WHRN: variants seen among roughly 807,000 people sequenced by gnomAD.
The protein encoded by WHRN is whirlin, also known as CASK-interacting protein CIP98.
In WHRN, 41 loss-of-function variants were observed where a neutral mutation model predicts 68.3. The observed-to-expected ratio is 0.60, with a 90% CI of 0.47 to 0.78. The LOEUF is 0.78. WHRN is among the 30% of genes least tolerant of loss of function. WHRN has a pLI of 0.00. For synonymous variants in WHRN, 560 were observed against 561.3 expected, an observed-to-expected ratio of 1.00 and a Z score of 0.03; for missense variants, 1,243 against 1,244.7, an observed-to-expected ratio of 1.00 and a Z score of 0.02.
chr9:114,424,185 G>T lies in WHRN; in HGVS notation c.1416+149C>A. On this transcript the variant is annotated intron_variant, in intron 6 of 11. Coordinates refer to ENST00000362057, the MANE Select transcript of WHRN (RefSeq NM_015404.4). ...CCCCCAGGAGTCTGTGAGCATCCTG[G>T]GGGCAGGAGGCTGCCTCAGTCCCAG... The T allele has an allele frequency of 3.3e-6, 3 of 897,170 alleles. No individual in the cohort carries two copies. In the South Asian group the frequency reaches 4.3e-5, roughly 13 times the overall value. 55.6% of individuals were successfully genotyped at this position (897,170 alleles called of 1,614,324 possible).
intron 7 of WHRN, among the ~76,000 whole-genome samples, chr9:114,421,346 T>C (rs968135572): frequency 2.6e-5 from 4 of 152,208 alleles, no homozygotes; most frequent in Admixed American, 2.0e-4. Flanking sequence ...TCCTGACCCC[T>C]GCCCCAGAGC....
At chr9:114,472,489 G>A (rs1203911902) in intron 2 of WHRN, among the ~76,000 whole-genome samples, 1 of 152,110 alleles carries the variant, frequency 6.6e-6, no homozygotes, top group Admixed American at 6.5e-5. Flanking sequence ...CCTTCTTAGT[G>A]AGGCCGTCCC....
chr9:114,477,744 T>C (rs1316079129), intron 2 of WHRN, among the ~76,000 whole-genome samples: 3 of 152,178 alleles, frequency 2.0e-5, no homozygotes, highest in Non-Finnish European at 4.4e-5. Flanking sequence ...ACTGCCCCTG[T>C]CCTTCCAGTA....
At position 114,504,863 on chromosome 9, in the gene WHRN, GC is replaced by G; in HGVS notation, c.-63del. Reference sequence around the variant, plus strand: ...GGGTGTGGGCGGTGCCGCTGTCCTCGCGGGTACTGGCGCGACAGCTGGATCC... The same window carrying G: ...GGGTGTGGGCGGTGCCGCTGTCCTCGGGGTACTGGCGCGACAGCTGGATCC... On this transcript the variant is annotated 5_prime_UTR_variant, in exon 1 of 12. Transcript: ENST00000362057. 1 of 1,338,070 alleles carries G rather than the reference GC, an allele frequency of 7.5e-7. No individual in the cohort carries two copies. Among genetic ancestry groups the G allele is most frequent in the Non-Finnish European group, 9.5e-7 (1 of 1,053,950 alleles). 82.9% of individuals were successfully genotyped at this position (1,338,070 alleles called of 1,614,324 possible).
intron 3 of WHRN, among the ~76,000 whole-genome samples, chr9:114,430,648 C>A (rs1837336099): frequency 6.6e-6 from 1 of 152,206 alleles, no homozygotes; most frequent in Non-Finnish European, 1.5e-5. Context: ...CCCAGGTTGG[C>A]TGTGCGAGTC....
At chr9:114,436,968 G>A (rs912016061) in intron 3 of WHRN, among the ~76,000 whole-genome samples, 3 of 151,690 alleles carry the variant, frequency 2.0e-5, no homozygotes, top group South Asian at 2.1e-4. Flanking sequence ...TAAAATGCAC[G>A]AATGGCTATG....
intron 1 of WHRN, among the ~76,000 whole-genome samples, chr9:114,490,634 T>C (rs1319011428): frequency 6.6e-6 from 1 of 152,246 alleles, no homozygotes; most frequent in African/African-American, 2.4e-5. Context: ...TTTGCTTCCA[T>C]GCTGCGAATG....
At chr9:114,503,025 C>G (rs1844065177) in intron 1 of WHRN, 1 of 676,830 alleles carries the variant, frequency 1.5e-6, no homozygotes, top group Admixed American at 6.3e-5. Flanking sequence ...CAAGGGCTTC[C>G]TCCAAAGGGG....
At chr9:114,431,416 C>T (rs541397691) in intron 3 of WHRN, among the ~76,000 whole-genome samples, 4 of 152,298 alleles carry the variant, frequency 2.6e-5, no homozygotes, top group Non-Finnish European at 4.4e-5. Context: ...GGTCACTGGT[C>T]GTACTGGAAG....
Position 114,406,401 on chromosome 9 carries a change from G to C in WHRN, c.2190C>G (p.Asp730Glu). 2 of 1,614,204 alleles carry C rather than the reference G, an allele frequency of 1.2e-6. No homozygotes were observed. The highest frequency in any genetic ancestry group is 1.7e-6 in the Non-Finnish European group (2 of 1,180,052). Residue 730 changes from aspartate (D) to glutamate (E), a missense_variant, in exon 9 of 12, where the codon GAC (aspartate) becomes GAG (glutamate). Asp to Glu is a conservative substitution (Grantham distance 45, BLOSUM62 2). Coordinates refer to ENST00000362057, the MANE Select transcript of WHRN (RefSeq NM_015404.4). ...TCACTTCATTGACGTCTGGCTCGCTGTCGGGGCGGTGGACCTCCACCATGA... is the reference window on the plus strand; with the variant it reads ...TCACTTCATTGACGTCTGGCTCGCTCTCGGGGCGGTGGACCTCCACCATGA... ...HFVMVEVHRP[D>E]SEPDVNEVRA... is the part of the protein sequence containing the mutation.
intron 2 of WHRN, among the ~76,000 whole-genome samples, chr9:114,471,396 G>A (rs1472895993): frequency 1.3e-5 from 2 of 152,198 alleles, no homozygotes; most frequent in South Asian, 2.1e-4. Context: ...AAATGATGGG[G>A]CTAAGATTCA....
chr9:114,462,269 T>A (rs1461918441), intron 3 of WHRN, among the ~76,000 whole-genome samples: 1 of 152,196 alleles, frequency 6.6e-6, no homozygotes, highest in Admixed American at 6.5e-5. Context: ...CCAGGCTTCA[T>A]CTCTTTTCCT....
chr9:114,504,529 C>A lies in WHRN; in HGVS notation c.273G>T (p.Leu91=), dbSNP rs1844229514. 1 of 1,610,300 alleles carries A rather than the reference C, an allele frequency of 6.2e-7. No individual in the cohort carries two copies. The highest frequency in any genetic ancestry group is 1.3e-5 in the African/African-American group (1 of 75,060). ...GCGGGATGACCAGACGAAGCATGGG[C>A]AGCAGGCGCCGCTTGACCGGACTGT... ...LLDSPVKRRL[L]PMLRLVIPRS... Residue 91 remains leucine (L), a synonymous_variant, in exon 1 of 12, where the codon CTG becomes CTT. Coordinates refer to ENST00000362057, the MANE Select transcript of WHRN (RefSeq NM_015404.4).
rs369521178 is a variant in WHRN, at chr9:114,426,305, C to T, written c.1072G>A (p.Asp358Asn). The part of the protein sequence containing the change: ...SSRHLILTVK[D>N]VGRLPHARTT... Reference sequence around the variant, plus strand: ...CGGGCATGGGGCAGCCTCCCGACGTCCTTCACTGTCAGGATGAGGTGCCGA... The same window carrying T: ...CGGGCATGGGGCAGCCTCCCGACGTTCTTCACTGTCAGGATGAGGTGCCGA... The change falls in exon 4 of 12, where the codon GAC becomes AAC. Residue 358 changes from aspartate to asparagine, a missense_variant. By Grantham distance (23) the Asp-to-Asn change is conservative. Transcript: ENST00000362057. The T allele has an allele frequency of 9.8e-5, 158 of 1,613,756 alleles. No homozygotes were observed. Among genetic ancestry groups the T allele is most frequent in the Non-Finnish European group, 1.3e-4 (152 of 1,180,058 alleles).
intron 3 of WHRN, among the ~76,000 whole-genome samples, chr9:114,428,884 C>T (rs1837143032): frequency 6.6e-6 from 1 of 152,112 alleles, no homozygotes; most frequent in Admixed American, 6.5e-5. Context: ...ATCCTCATCA[C>T]TGTGCATTTA....
chr9:114,446,337 T>A (rs1420970511), intron 3 of WHRN, among the ~76,000 whole-genome samples: 2 of 148,046 alleles, frequency 1.4e-5, no homozygotes, highest in East Asian at 3.9e-4. Flanking sequence ...TTTCAGGGAG[T>A]GAAGGGAGGG....
chr9:114,409,913 G>A (rs1423711980), intron 7 of WHRN, among the ~76,000 whole-genome samples: 1 of 151,908 alleles, frequency 6.6e-6, no homozygotes, highest in African/African-American at 2.4e-5. Context: ...ACACATGTCA[G>A]GTCTCTCTGC....
chr9:114,429,112 G>C (rs964822982), intron 3 of WHRN, among the ~76,000 whole-genome samples: 2 of 152,108 alleles, frequency 1.3e-5, no homozygotes, highest in Non-Finnish European at 2.9e-5. Context: ...TTGTATTTTA[G>C]TAGAGGTGGG....
chr9:114,406,314 G>A (rs1188860116), intron 9 of WHRN, 41 bp downstream of exon 9: 7 of 1,612,496 alleles, frequency 4.3e-6, no homozygotes, highest in African/African-American at 4.0e-5. Context: ...AAGAGGACAG[G>A]GACCCCCAAG....
Sources: gnomAD v4.1 joint callset for allele counts (sites outside exome capture counted in the v4.1 genomes callset) on GRCh38, gnomAD v4.1.1 for gene constraint, MANE v1.5 for transcripts, NCBI Gene and HGNC (gene_info 2026-07-23, HGNC 2026-07-21) for gene names.